TMEM63A: variants seen among roughly 807,000 people sequenced by gnomAD.
The protein encoded by TMEM63A is mechanosensitive cation channel TMEM63A.
TMEM63A carries 76 observed loss-of-function variants against 100.6 expected under a neutral mutation model. The ratio of observed to expected loss-of-function variants is 0.76; its 90% CI spans 0.63 to 0.91. The LOEUF is 0.91. Among genes scored for constraint, TMEM63A ranks in the 40% least tolerant of loss-of-function variants. TMEM63A has a pLI of 0.00. For synonymous variants in TMEM63A, 401 were observed against 401.1 expected, an observed-to-expected ratio of 1.00 and a Z score of 0.00; for missense variants, 876 against 1,008.8, an observed-to-expected ratio of 0.87 and a Z score of 1.78.
chr1:225,856,946 G>A lies in TMEM63A; in HGVS notation c.1449C>T (p.Val483=). 1.9e-6 allele frequency: 3 copies of A among 1,605,268 alleles called. No individual in the cohort carries two copies. In the African/African-American group the frequency reaches 4.0e-5, roughly 22 times the overall value. ...GAGACTCCAGCAGTGTAGAGTAGTA[G>A]ACAATGGAGGGGAGCAGGGCCGAGA... is the stretch of plus-strand genomic sequence containing the variant. ...WSFSALLPSI[V]YYSTLLESHW... The change falls in exon 16 of 25, where the codon GTC becomes GTT. Residue 483 remains valine, a synonymous_variant. Coordinates refer to ENST00000366835, the MANE Select transcript of TMEM63A (RefSeq NM_014698.3).
chr1:225,845,038 G>T (rs1410983310), downstream of TMEM63A: 1 of 1,186,498 alleles, frequency 8.4e-7, no homozygotes. Context: ...ATGGCTCCTT[G>T]TGGGTGGGCC....
At chr1:225,845,457 T>TGCTGGGAGCCCAC, downstream of TMEM63A, 1 of 1,179,028 alleles carries the variant, frequency 8.5e-7, no homozygotes, top group South Asian at 1.4e-5. Context: ...CCCCTGCCCA[T>TGCTGGGAGCCCAC]GCTGGGAGCC....
chr1:225,855,980 A>T lies in TMEM63A; in HGVS notation c.1572-40T>A, dbSNP rs368337966. ...AACCCCCTAAGAGTTTATTTCCAGC[A>T]TTCCATATTGTCACTACACATGCTT... is the stretch of plus-strand genomic sequence containing the variant. On this transcript the variant is annotated intron_variant, in intron 17 of 24. Transcript: ENST00000366835. 3.2e-5 allele frequency: 51 copies of T among 1,599,784 alleles called. No individual in the cohort carries two copies. The African/African-American group carries it at 6.0e-4, about 19-fold the overall frequency.
intron 20 of TMEM63A, among the ~76,000 whole-genome samples, chr1:225,852,360 C>T (rs1438765472): frequency 2.0e-5 from 3 of 152,152 alleles, no homozygotes; most frequent in East Asian, 1.9e-4. Context: ...GTGGCGGGCA[C>T]CTGTAATCCC....
chr1:225,861,523 T>A (rs1029392117), intron 13 of TMEM63A: 1 of 153,864 alleles, frequency 6.5e-6, no homozygotes, highest in Non-Finnish European at 1.4e-5. Context: ...CTGCCTCAGA[T>A]GCCTTCCCCT....
Position 225,853,537 on chromosome 1 carries a change from A to C in TMEM63A, c.1797+92T>G. On this transcript the variant is annotated intron_variant, in intron 19 of 24. Coordinates refer to ENST00000366835, the MANE Select transcript of TMEM63A (RefSeq NM_014698.3). The surrounding 1 kb of genome is among the most constrained non-coding windows in gnomAD (Gnocchi z 4.0). ...GGTAGTCAGGTAAATGCTACCCACT[A>C]GTGGGGGTAGTGGGGGTGAGAGGCC... 5 of 1,253,126 alleles carry C rather than the reference A, an allele frequency of 4.0e-6. No homozygotes were observed. The highest frequency in any genetic ancestry group is 5.4e-6 in the Non-Finnish European group (5 of 930,512). The allele number at this position is 1,253,126 out of a possible 1,614,324, so 77.6% of individuals were successfully genotyped here.
At chr1:225,851,256 C>G (rs896779392) in intron 20 of TMEM63A, among the ~76,000 whole-genome samples, 9 of 152,220 alleles carry the variant, frequency 5.9e-5, no homozygotes, top group African/African-American at 1.9e-4. Context: ...GCCCTCATCA[C>G]AGTCAACAGA....
In TMEM63A at chr1:225,845,578, G is replaced by A. The variant is rs952170604; in HGVS notation, c.*1361C>T. On this transcript the variant is annotated 3_prime_UTR_variant, in exon 25 of 25. Transcript: ENST00000366835. ...TTACTCTAAAAGCGGCTGGAACTCA[G>A]TGACATGAGCGTGCGCTGACCCCAC... The A allele has an allele frequency of 7.1e-5, 42 of 594,872 alleles. No homozygotes were observed. Among genetic ancestry groups the A allele is most frequent in the African/African-American group, 1.3e-4 (7 of 53,722 alleles). The allele number at this position is 594,872 out of a possible 1,614,324, so 36.8% of individuals were successfully genotyped here. A position where few individuals can be genotyped will look rare whatever the true frequency, so the allele number is the denominator to read the frequency against.
At chr1:225,869,326 G>C (rs1670376294) in intron 6 of TMEM63A, among the ~76,000 whole-genome samples, 1 of 152,196 alleles carries the variant, frequency 6.6e-6, no homozygotes. Flanking sequence ...TATTTATCTA[G>C]AGGACAAAGC....
Position 225,852,896 on chromosome 1 carries a change from C to T in TMEM63A, c.1798-127G>A, listed in dbSNP as rs1013906261. 4.6e-5 allele frequency: 36 copies of T among 779,794 alleles called. No individual in the cohort carries two copies. In the East Asian group the frequency reaches 7.3e-4, roughly 16 times the overall value. The allele number at this position is 779,794 out of a possible 1,614,324, so 48.3% of individuals were successfully genotyped here. On this transcript the variant is annotated intron_variant, in intron 19 of 24. Transcript: ENST00000366835. The stretch of plus-strand genomic sequence containing the variant: ...TGGAAATAGGAGATGCGTGGCTCCC[C>T]GCCTCCCAAGGTCCTTCCCATCCCT...
In TMEM63A at chr1:225,845,643, T is replaced by G; in HGVS notation, c.*1296A>C. Reference sequence around the variant, plus strand: ...GCAAGCAGAGCTGGCCGGCCCCTCCTTGCTGGCAGAGGCACGGGAGGCCTG... The same window carrying G: ...GCAAGCAGAGCTGGCCGGCCCCTCCGTGCTGGCAGAGGCACGGGAGGCCTG... On this transcript the variant is annotated 3_prime_UTR_variant, in exon 25 of 25. Coordinates refer to ENST00000366835, the MANE Select transcript of TMEM63A (RefSeq NM_014698.3). 10 of 480,284 alleles carry G rather than the reference T, an allele frequency of 2.1e-5. No individual in the cohort carries two copies. Among genetic ancestry groups the G allele is most frequent in the East Asian group, 8.0e-5 (2 of 24,848 alleles). 29.8% of individuals were successfully genotyped at this position (480,284 alleles called of 1,614,324 possible). A position where few individuals can be genotyped will look rare whatever the true frequency, so the allele number is the denominator to read the frequency against.
chr1:225,843,050 G>C (rs138336713), downstream of TMEM63A, among the ~76,000 whole-genome samples: 6 of 152,316 alleles, frequency 3.9e-5, no homozygotes, highest in African/African-American at 1.4e-4. Flanking sequence ...GGATGGGAAA[G>C]ACAGTAAAAT....
At chr1:225,851,863 A>G (rs1470170639) in intron 20 of TMEM63A, among the ~76,000 whole-genome samples, 1 of 152,118 alleles carries the variant, frequency 6.6e-6, no homozygotes, top group Non-Finnish European at 1.5e-5. Flanking sequence ...CAGATGTTTT[A>G]TTTCAGTGGC....
At chr1:225,850,953 C>T (rs1036859691) in intron 20 of TMEM63A, among the ~76,000 whole-genome samples, 6 of 152,118 alleles carry the variant, frequency 3.9e-5, no homozygotes, top group South Asian at 2.1e-4. Flanking sequence ...CCTCGTGATC[C>T]GCCCACCTTT....
chr1:225,852,478 C>T (rs2102822160), intron 20 of TMEM63A, among the ~76,000 whole-genome samples, 186 bp downstream of exon 20: 1 of 152,224 alleles, frequency 6.6e-6, no homozygotes, highest in South Asian at 2.1e-4. Context: ...GAGACCCTGT[C>T]TCAAAACAAA....
At position 225,853,459 on chromosome 1, in the gene TMEM63A, C is replaced by A. The variant is rs1047759293; in HGVS notation, c.1797+170G>T. The stretch of plus-strand genomic sequence containing the variant: ...CTAGAGAGGAGGCTGGAGGAGGCCA[C>A]GCCTGCCTGGACCCGGGTTTGAGAA... On this transcript the variant is annotated intron_variant, in intron 19 of 24. Transcript: ENST00000366835. The surrounding 1 kb of genome is among the most constrained non-coding windows in gnomAD (Gnocchi z 4.0). Among the ~76,000 whole-genome samples, 1 of 152,168 alleles carries A rather than the reference C, an allele frequency of 6.6e-6. No homozygotes were observed.
intron 5 of TMEM63A, 122 bp downstream of exon 5, chr1:225,871,865 C>T (rs78286889): frequency 5.3e-5 from 38 of 715,928 alleles, no homozygotes; most frequent in East Asian, 8.1e-5. Context: ...GTGCCTTCGT[C>T]GATGCAGAAA....
chr1:225,855,695 CCA>C (rs1283501183), intron 18 of TMEM63A, among the ~76,000 whole-genome samples, 181 bp downstream of exon 18: 3 of 152,202 alleles, frequency 2.0e-5, no homozygotes, highest in African/African-American at 7.2e-5. Context: ...GGGTCAGCTC[CCA>C]CAGTGTCTAC....
chr1:225,850,171 A>G (rs1669249304), intron 20 of TMEM63A, 92 bp from the exon 21 acceptor site: 1 of 1,481,406 alleles, frequency 6.8e-7, no homozygotes, highest in Non-Finnish European at 9.2e-7. Flanking sequence ...TTTGGCAAGG[A>G]GCCAGGGCTG....
Sources: gnomAD v4.1 joint callset for allele counts (sites outside exome capture counted in the v4.1 genomes callset) on GRCh38, gnomAD v4.1.1 for gene constraint, Gnocchi (gnomAD v3.1) non-coding constraint, MANE v1.5 for transcripts, NCBI Gene and HGNC (gene_info 2026-07-23, HGNC 2026-07-21) for gene names.